PIP5K1C: variants seen among roughly 807,000 people sequenced by gnomAD.
PIP5K1C encodes the protein phosphatidylinositol-4-phosphate 5-kinase type 1 gamma.
A neutral mutation model predicts 80.1 loss-of-function variants in PIP5K1C; 45 were observed. That is an observed-to-expected ratio of 0.56 (90% CI 0.44 to 0.72). The LOEUF is 0.72. PIP5K1C is among the 30% of genes least tolerant of loss of function. The pLI is 0.00. For synonymous variants in PIP5K1C, 498 were observed against 420.1 expected (o/e 1.19, Z -2.27); for missense variants, 753 against 954.6 (o/e 0.79, Z 2.78).
In PIP5K1C at chr19:3,637,890, G is replaced by A. The variant is rs1054231533; in HGVS notation, c.1920+994C>T. 39 of 1,535,336 alleles carry A rather than the reference G, an allele frequency of 2.5e-5. No individual in the cohort carries two copies. The highest frequency in any genetic ancestry group is 1.2e-4 in the East Asian group (5 of 40,904). On this transcript the variant is annotated intron_variant, in intron 16 of 17. Coordinates refer to ENST00000335312, the MANE Select transcript of PIP5K1C (RefSeq NM_012398.3). The surrounding 1 kb of genome is among the most constrained non-coding windows in gnomAD (Gnocchi z 7.0). The stretch of plus-strand genomic sequence containing the variant: ...CCGTACCATCCGGAGACCAGGACGC[G>A]CACAAACCAGTCCCAGGAAAAGGGG...
intron 1 of PIP5K1C, among the ~76,000 whole-genome samples, chr19:3,672,828 C>T (rs998477083): frequency 2.6e-5 from 4 of 152,102 alleles, no homozygotes; most frequent in Non-Finnish European, 5.9e-5. Flanking sequence ...GTGGTGGCCT[C>T]ATCCCTGTAG....
chr19:3,680,351 C>A (rs1373018666), intron 1 of PIP5K1C, among the ~76,000 whole-genome samples: 1 of 152,204 alleles, frequency 6.6e-6, no homozygotes, highest in African/African-American at 2.4e-5. Context: ...GTCGCCCAGG[C>A]TGGAGTGCAA....
chr19:3,641,826 G>A lies in PIP5K1C; in HGVS notation c.1683-17C>T, dbSNP rs894356474. The A allele has an allele frequency of 1.1e-5, 18 of 1,600,942 alleles. No homozygotes were observed. The highest frequency in any genetic ancestry group is 1.5e-5 in the Non-Finnish European group (18 of 1,172,096). On this transcript the variant is annotated splice_polypyrimidine_tract_variant and intron_variant, in intron 14 of 17. Transcript: ENST00000335312. ...TCCTGCGGCCTGCAGGCAATGGGAG[G>A]TTGTGCCTCGGTTTCCCTCCTCACT... is the stretch of plus-strand genomic sequence containing the variant.
chr19:3,640,238 G>C (rs949325754), intron 15 of PIP5K1C, among the ~76,000 whole-genome samples: 1 of 152,206 alleles, frequency 6.6e-6, no homozygotes, highest in African/African-American at 2.4e-5. Context: ...TACAGGGGCC[G>C]CCACGGGGCT....
intron 4 of PIP5K1C, 121 bp downstream of exon 4, chr19:3,661,750 A>G: frequency 1.7e-6 from 2 of 1,203,638 alleles, no homozygotes; most frequent in Non-Finnish European, 2.4e-6. Flanking sequence ...CTCAAGGCCA[A>G]GGAGGCGCCA....
rs550477591 is a variant in PIP5K1C at position 3,655,988 on chromosome 19, C to T, written c.621+417G>A. Reference sequence around the variant, plus strand: ...GAGCAGCTGGTCTTTTGTGGGGTACCATCTGGTGGCCCATCCCCCTCCTCT... The same window carrying T: ...GAGCAGCTGGTCTTTTGTGGGGTACTATCTGGTGGCCCATCCCCCTCCTCT... On this transcript the variant is annotated intron_variant, in intron 6 of 17. Transcript: ENST00000335312. Among the ~76,000 whole-genome samples, 7 of 152,344 alleles carry T rather than the reference C, an allele frequency of 4.6e-5. No homozygotes were observed. The South Asian group carries it at 1.4e-3, about 32-fold the overall frequency.
At chr19:3,698,208 G>C (rs969507357) in intron 1 of PIP5K1C, among the ~76,000 whole-genome samples, 1 of 152,214 alleles carries the variant, frequency 6.6e-6, no homozygotes, top group Non-Finnish European at 1.5e-5. Context: ...TGGAGAGGCC[G>C]GAAAGGGGTG....
At position 3,644,233 on chromosome 19, in the gene PIP5K1C, G is replaced by T. The variant is rs772518389; in HGVS notation, c.1364C>A (p.Ser455Tyr). The change falls in exon 12 of 18, where the codon TCC becomes TAC. Residue 455 changes from serine (S) to tyrosine (Y), a missense_variant. Ser to Tyr is a moderately radical substitution (Grantham distance 144, BLOSUM62 -2). This residue lies in a region of PIP5K1C where 114 missense variants were observed against 152.4 expected (regional missense o/e 0.75). Transcript: ENST00000335312. ...CAAGGCTCCGCCGCGCCCCTTCTTG[G>T]AGGGCGAGGACTTCAGGGCTGCAGG... ...RKNSSLKSSP[S>Y]KKGRGGALLA... 5.6e-6 allele frequency: 9 copies of T among 1,612,382 alleles called. No individual in the cohort carries two copies. The highest frequency in any genetic ancestry group is 5.9e-6 in the Non-Finnish European group (7 of 1,179,856).
rs910359643 is a variant in PIP5K1C at position 3,688,605 on chromosome 19, T to G, written c.94+11692A>C. ...TTTGCGGTTTTGCTGGTGATTCTGC[T>G]GCTGAAATTGCCCCCCCAGGCATTG... is the stretch of plus-strand genomic sequence containing the variant. On this transcript the variant is annotated intron_variant, in intron 1 of 17. Coordinates refer to ENST00000335312, the MANE Select transcript of PIP5K1C (RefSeq NM_012398.3). The surrounding 1 kb of genome is among the most constrained non-coding windows in gnomAD (Gnocchi z 5.3). Among the ~76,000 whole-genome samples the G allele has an allele frequency of 4.7e-5, 7 of 148,508 alleles. No individual in the cohort carries two copies. The highest frequency in any genetic ancestry group is 1.8e-4 in the African/African-American group (7 of 38,878).
At chr19:3,699,194 C>T (rs1035964418) in intron 1 of PIP5K1C, among the ~76,000 whole-genome samples, 28 of 151,976 alleles carry the variant, frequency 1.8e-4, no homozygotes, top group Non-Finnish European at 3.8e-4. Context: ...TCCACCATGT[C>T]TCTTGCTGGC....
rs201700016 is a variant in PIP5K1C, at chr19:3,645,955, C to G, written c.1345+19G>C. ...CTTCCCCAGGGTCCCTCCCGCCTTG[C>G]GGGGCTCAGGTGGCTTACAGGAGTT... On this transcript the variant is annotated intron_variant, in intron 11 of 17. Coordinates refer to ENST00000335312, the MANE Select transcript of PIP5K1C (RefSeq NM_012398.3). 7.4e-5 allele frequency: 119 copies of G among 1,601,996 alleles called. 2 individuals carry two copies. In the East Asian group the frequency reaches 2.6e-3, roughly 35 times the overall value.
chr19:3,638,435 C>T (rs1345359134), intron 16 of PIP5K1C, among the ~76,000 whole-genome samples: 2 of 152,262 alleles, frequency 1.3e-5, no homozygotes, highest in Non-Finnish European at 2.9e-5. Flanking sequence ...CCCACGGCAA[C>T]AGGGAGAAGG....
At chr19:3,638,245 G>A (rs2033790749) in intron 16 of PIP5K1C, among the ~76,000 whole-genome samples, 1 of 152,162 alleles carries the variant, frequency 6.6e-6, no homozygotes, top group African/African-American at 2.4e-5. Context: ...TGGCCGCCCG[G>A]CAGCCACCTC....
intron 14 of PIP5K1C, 148 bp downstream of exon 14, chr19:3,642,759 G>A (rs980430800): frequency 1.1e-5 from 8 of 712,572 alleles, no homozygotes; most frequent in Admixed American, 2.0e-5. Flanking sequence ...AAGATTGTGT[G>A]CGGTGCTAGG....
intron 11 of PIP5K1C, among the ~76,000 whole-genome samples, chr19:3,645,045 G>A (rs1260537330): frequency 6.6e-6 from 1 of 152,252 alleles, no homozygotes; most frequent in Non-Finnish European, 1.5e-5. Context: ...ATCCTGACAC[G>A]TGGTGTCTGC....
intron 1 of PIP5K1C, among the ~76,000 whole-genome samples, chr19:3,698,128 T>A (rs184736426): frequency 1.6e-4 from 25 of 152,350 alleles, no homozygotes; most frequent in African/African-American, 6.0e-4. Flanking sequence ...TCGCCATCGC[T>A]TCTAACAGTG....
rs563280038 is a variant in PIP5K1C at position 3,645,724 on chromosome 19, A to G, written c.1345+250T>C. 2.0e-5 allele frequency among the ~76,000 whole-genome samples: 3 copies of G among 152,396 alleles called. No homozygotes were observed. The East Asian group carries it at 5.8e-4, about 29-fold the overall frequency. The stretch of plus-strand genomic sequence containing the variant: ...GAGGCAGGTGCCTGCTCAAGGCCAC[A>G]TGGGCAGGACGAGGCCAGGCTAGGA... On this transcript the variant is annotated intron_variant, in intron 11 of 17. Coordinates refer to ENST00000335312, the MANE Select transcript of PIP5K1C (RefSeq NM_012398.3).
rs374100115 is a variant in PIP5K1C, at chr19:3,667,253, T to G, written c.126+69A>C. On this transcript the variant is annotated intron_variant, in intron 2 of 17. Coordinates refer to ENST00000335312, the MANE Select transcript of PIP5K1C (RefSeq NM_012398.3). The stretch of plus-strand genomic sequence containing the variant: ...GTGAGCTGCCCCAGGCCACACAGCT[T>G]CTCCGCGAGTAGGGAGGCAGCAGGT... 1.3e-4 allele frequency: 181 copies of G among 1,407,482 alleles called. No individual in the cohort carries two copies. The African/African-American group carries it at 2.3e-3, about 18-fold the overall frequency. The allele number at this position is 1,407,482 out of a possible 1,614,324, so 87.2% of individuals were successfully genotyped here. A position where few individuals can be genotyped will look rare whatever the true frequency, so the allele number is the denominator to read the frequency against.
intron 6 of PIP5K1C, among the ~76,000 whole-genome samples, chr19:3,654,818 G>GAA (rs879758600): frequency 1.4e-5 from 1 of 70,544 alleles, no homozygotes; most frequent in Non-Finnish European, 3.0e-5. Context: ...CATCTCAAAA[G>GAA]AAAAAAAAAA....
Sources: allele counts gnomAD v4.1 joint callset (sites outside exome capture counted in the v4.1 genomes callset), GRCh38; gene constraint gnomAD v4.1.1; regional missense constraint gnomAD v4.1.1; non-coding constraint Gnocchi (gnomAD v3.1); transcripts MANE v1.5; gene names NCBI Gene and HGNC (gene_info 2026-07-23, HGNC 2026-07-21).